LRRC8A: variants seen among roughly 807,000 people sequenced by gnomAD.
LRRC8A encodes the protein volume-regulated anion channel subunit LRRC8A.
In LRRC8A, 24 loss-of-function variants were observed where a neutral mutation model predicts 52.5. The ratio of observed to expected loss-of-function variants is 0.46; its 90% CI spans 0.33 to 0.64. The LOEUF (loss-of-function observed/expected upper bound fraction) is 0.64, where lower values mean the gene tolerates loss of function less well. Among genes scored for constraint, LRRC8A ranks in the 30% least tolerant of loss-of-function variants. The pLI is 0.02. For missense variants in LRRC8A, 677 were observed against 1,094.7 expected (o/e 0.62, Z 5.38); for synonymous variants, 492 against 494.2 (o/e 1.00, Z 0.06).
rs929703742 is a variant in LRRC8A, at chr9:128,917,441, T to C, written c.*1070T>C. The C allele has an allele frequency of 6.6e-6, 1 of 152,578 alleles. No homozygotes were observed. The highest frequency in any genetic ancestry group is 1.9e-4 in the East Asian group (1 of 5,190). 9.5% of individuals were successfully genotyped at this position (152,578 alleles called of 1,614,324 possible). Reference sequence around the variant, plus strand: ...GAGGGAGGAGACTCGGGTTGGCTAATCCCCGGATGAACGGTGCTCCATTCG... The same window carrying C: ...GAGGGAGGAGACTCGGGTTGGCTAACCCCCGGATGAACGGTGCTCCATTCG... On this transcript the variant is annotated 3_prime_UTR_variant, in exon 4 of 4. Coordinates refer to ENST00000372600, the MANE Select transcript of LRRC8A (RefSeq NM_019594.4).
At position 128,904,942 on chromosome 9, in the gene LRRC8A, G is replaced by A. The variant is rs147019686; in HGVS notation, c.-8-2215G>A. On this transcript the variant is annotated intron_variant, in intron 2 of 3. Coordinates refer to ENST00000372600, the MANE Select transcript of LRRC8A (RefSeq NM_019594.4). ...GAATCTGGGAGGCGGAGCTTGCAGT[G>A]AGCCAAGATCGCACCACTGCACTCC... is the stretch of plus-strand genomic sequence containing the variant. 4.4e-3 allele frequency among the ~76,000 whole-genome samples: 646 copies of A among 146,678 alleles called. 3 individuals are homozygous for A. Among genetic ancestry groups the A allele is most frequent in the African/African-American group, 0.015 (609 of 39,310 alleles).
intron 1 of LRRC8A, among the ~76,000 whole-genome samples, chr9:128,883,696 C>G (rs762650089): frequency 1.3e-5 from 2 of 152,228 alleles, no homozygotes; most frequent in South Asian, 4.1e-4. Flanking sequence ...GGTGCAGGGC[C>G]GGGCGTGGTG....
chr9:128,886,437 G>A (rs1354026350), intron 2 of LRRC8A, among the ~76,000 whole-genome samples: 1 of 152,186 alleles, frequency 6.6e-6, no homozygotes, highest in Non-Finnish European at 1.5e-5. Flanking sequence ...CGTGGACCAC[G>A]TTTCCCAAGT....
chr9:128,903,561 T>C lies in LRRC8A; in HGVS notation c.-8-3596T>C, dbSNP rs1309948981. ...CCAAGCAGCTGGGACTACAGGCGCCTGCCACTATGCCCGGCTAATTTTTTT... is the reference window on the plus strand; with the variant it reads ...CCAAGCAGCTGGGACTACAGGCGCCCGCCACTATGCCCGGCTAATTTTTTT... On this transcript the variant is annotated intron_variant, in intron 2 of 3. Coordinates refer to ENST00000372600, the MANE Select transcript of LRRC8A (RefSeq NM_019594.4). Among the ~76,000 whole-genome samples the C allele has an allele frequency of 4.6e-5, 7 of 152,054 alleles. No homozygotes were observed. In the East Asian group the frequency reaches 1.4e-3, roughly 30 times the overall value.
At chr9:128,893,492 G>T (rs978012661) in intron 2 of LRRC8A, among the ~76,000 whole-genome samples, 9 of 152,182 alleles carry the variant, frequency 5.9e-5, no homozygotes, top group African/African-American at 2.2e-4. Flanking sequence ...TGAGGCCCCA[G>T]TGAGGCAGTA....
Position 128,902,016 on chromosome 9 carries a change from G to C in LRRC8A, c.-8-5141G>C, listed in dbSNP as rs1201888879. Among the ~76,000 whole-genome samples the C allele has an allele frequency of 6.6e-6, 1 of 150,644 alleles. No individual in the cohort carries two copies. Among genetic ancestry groups the C allele is most frequent in the Non-Finnish European group, 1.5e-5 (1 of 67,968 alleles). ...AGCTGGGGGTGACCCCTCCAGACAGGTTACCCTTACCAGGGGTAGGCCCAG... is the reference window on the plus strand; with the variant it reads ...AGCTGGGGGTGACCCCTCCAGACAGCTTACCCTTACCAGGGGTAGGCCCAG... On this transcript the variant is annotated intron_variant, in intron 2 of 3. Transcript: ENST00000372600. This position sits in a 1 kb window ranked among gnomAD's most constrained non-coding sequence, Gnocchi z 4.1.
rs1840863619 is a variant in LRRC8A at position 128,917,205 on chromosome 9, C to T, written c.*834C>T. On this transcript the variant is annotated 3_prime_UTR_variant, in exon 4 of 4. Transcript: ENST00000372600. ...TTGAGCAAAGCAGCCAGACGTTGAA[C>T]TGTGTTTCCTTTCCCTGGGCGCAGG... 6.6e-6 allele frequency: 1 copy of T among 152,182 alleles called. No homozygotes were observed. Among genetic ancestry groups the T allele is most frequent in the Admixed American group, 6.6e-5 (1 of 15,264 alleles). The allele number at this position is 152,182 out of a possible 1,614,324, so 9.4% of individuals were successfully genotyped here.
rs145605714 is a variant in LRRC8A at position 128,913,472 on chromosome 9, C to T, written c.2158-2624C>T. 5.1e-3 allele frequency among the ~76,000 whole-genome samples: 780 copies of T among 152,242 alleles called. 8 individuals carry two copies. The highest frequency in any genetic ancestry group is 0.015 in the African/African-American group (619 of 41,542). On this transcript the variant is annotated intron_variant, in intron 3 of 3. Transcript: ENST00000372600. ...TCCAGGGCACGGGCCGGCGACAATC[C>T]GACAATCCAGCAGAGAAGGATCGGT...
chr9:128,890,721 CAGA>C (rs746856232), intron 2 of LRRC8A, among the ~76,000 whole-genome samples: 7 of 152,204 alleles, frequency 4.6e-5, no homozygotes, highest in African/African-American at 7.2e-5. Context: ...GGGATCTCAG[CAGA>C]AGATGTGTCT....
At chr9:128,913,081 T>A (rs11789878) in intron 3 of LRRC8A, among the ~76,000 whole-genome samples, 1 of 151,900 alleles carries the variant, frequency 6.6e-6, no homozygotes, top group Non-Finnish European at 1.5e-5. Context: ...GGTCCTTGAC[T>A]TGCTCACTGT....
At chr9:128,898,256 T>C (rs1839899234) in intron 2 of LRRC8A, among the ~76,000 whole-genome samples, 1 of 152,190 alleles carries the variant, frequency 6.6e-6, no homozygotes, top group Admixed American at 6.6e-5. Flanking sequence ...AGTCTTGCTC[T>C]GTCGCCCAGG....
At chr9:128,915,628 G>A (rs562729742) in intron 3 of LRRC8A, among the ~76,000 whole-genome samples, 3 of 152,298 alleles carry the variant, frequency 2.0e-5, no homozygotes, top group African/African-American at 4.8e-5. Context: ...CCCGGCCTAG[G>A]GGGTGGATTT....
At chr9:128,882,679 C>T (rs1300635894) in intron 1 of LRRC8A, 3 of 399,060 alleles carry the variant, frequency 7.5e-6, no homozygotes, top group Admixed American at 4.4e-5. Flanking sequence ...CTCCTGAGTT[C>T]CTGGTCCCCT....
At position 128,898,594 on chromosome 9, in the gene LRRC8A, G is replaced by T. The variant is rs147250222; in HGVS notation, c.-8-8563G>T. ...ACTTCCTGTTCACATCCACCCGCAGGCTCTGGCTGGCCTTGGCACACTGGA... is the reference window on the plus strand; with the variant it reads ...ACTTCCTGTTCACATCCACCCGCAGTCTCTGGCTGGCCTTGGCACACTGGA... On this transcript the variant is annotated intron_variant, in intron 2 of 3. Transcript: ENST00000372600. Among the ~76,000 whole-genome samples the T allele has an allele frequency of 4.3e-3, 661 of 152,322 alleles. 3 individuals are homozygous for T. The highest frequency in any genetic ancestry group is 0.014 in the African/African-American group (590 of 41,570).
rs891694041 is a variant in LRRC8A at position 128,899,391 on chromosome 9, G to C, written c.-8-7766G>C. Among the ~76,000 whole-genome samples the C allele has an allele frequency of 1.3e-5, 2 of 152,048 alleles. No homozygotes were observed. Among genetic ancestry groups the C allele is most frequent in the African/African-American group, 4.8e-5 (2 of 41,396 alleles). On this transcript the variant is annotated intron_variant, in intron 2 of 3. Coordinates refer to ENST00000372600, the MANE Select transcript of LRRC8A (RefSeq NM_019594.4). This position sits in a 1 kb window ranked among gnomAD's most constrained non-coding sequence, Gnocchi z 4.0. ...CAGGTGCACCCCAAGAAGGGCTCTC[G>C]GTGGGGTCTGCTCCATCTGAATGGC...
In LRRC8A at chr9:128,909,005, A is replaced by AT. The variant is rs1433084048; in HGVS notation, c.1841_1842insT (p.Asn615GlnfsTer6). The AT allele has an allele frequency of 6.2e-7, 1 of 1,614,128 alleles. No homozygotes were observed. The highest frequency in any genetic ancestry group is 1.1e-5 in the South Asian group (1 of 91,082). On this transcript the variant is annotated frameshift_variant, in exon 3 of 4. Transcript: ENST00000372600. LOFTEE classifies it high-confidence loss of function. ...ATCCCCCACTCCATCTTCAGCCTCC[A>AT]CAACCTGCAGGAGATTGACCTCAAG...
chr9:128,912,697 G>A (rs1442777563), intron 3 of LRRC8A: 3 of 152,334 alleles, frequency 2.0e-5, no homozygotes, highest in African/African-American at 7.2e-5. Flanking sequence ...TGCAGCGTGA[G>A]GTTCCTCTTG....
In LRRC8A at chr9:128,899,769, G is replaced by C. The variant is rs1839956725; in HGVS notation, c.-8-7388G>C. Among the ~76,000 whole-genome samples, 1 of 152,170 alleles carries C rather than the reference G, an allele frequency of 6.6e-6. No individual in the cohort carries two copies. The highest frequency in any genetic ancestry group is 1.5e-5 in the Non-Finnish European group (1 of 68,020). ...GAGGAAGGGGTGTCGTGTTTAAGGGGTGTGGGTTTCAGTTTAACGAGATGA... is the reference window on the plus strand; with the variant it reads ...GAGGAAGGGGTGTCGTGTTTAAGGGCTGTGGGTTTCAGTTTAACGAGATGA... On this transcript the variant is annotated intron_variant, in intron 2 of 3. Coordinates refer to ENST00000372600, the MANE Select transcript of LRRC8A (RefSeq NM_019594.4). The surrounding 1 kb of genome is among the most constrained non-coding windows in gnomAD (Gnocchi z 4.0).
chr9:128,882,497 T>G (rs1260176817), intron 1 of LRRC8A: 1 of 387,148 alleles, frequency 2.6e-6, no homozygotes, highest in Non-Finnish European at 4.6e-6. Context: ...CCCCTGTGCC[T>G]CCTTGTGCTT....
Sources: gnomAD v4.1 joint callset for allele counts (sites outside exome capture counted in the v4.1 genomes callset) on GRCh38, gnomAD v4.1.1 for gene constraint, Gnocchi (gnomAD v3.1) non-coding constraint, MANE v1.5 for transcripts, NCBI Gene and HGNC (gene_info 2026-07-23, HGNC 2026-07-21) for gene names.